AGPAT4: variants seen among roughly 807,000 people sequenced by gnomAD.
The protein encoded by AGPAT4 is 1-acylglycerol-3-phosphate O-acyltransferase 4.
AGPAT4 carries 15 observed loss-of-function variants against 48.0 expected under a neutral mutation model. The observed-to-expected ratio is 0.31, with a 90% CI of 0.21 to 0.48. The LOEUF is 0.48. Among genes scored for constraint, AGPAT4 ranks in the 20% least tolerant of loss-of-function variants. AGPAT4 has a pLI of 0.99. For missense variants in AGPAT4, 314 were observed against 482.5 expected, an observed-to-expected ratio of 0.65 and a Z score of 3.27; for synonymous variants, 178 against 198.7, an observed-to-expected ratio of 0.90 and a Z score of 0.88.
rs532015932 is a variant in AGPAT4, at chr6:161,267,439, C to T, written c.-90+6499G>A. Among the ~76,000 whole-genome samples the T allele has an allele frequency of 1.6e-4, 24 of 152,214 alleles. No individual in the cohort carries two copies. Among genetic ancestry groups the T allele is most frequent in the Middle Eastern group, 3.4e-3 (1 of 294 alleles). ...TGAAAAATATTAGCTGGGGAACGGG[C>T]GCAGTGGCTCACATCTGTAATCCTA... On this transcript the variant is annotated intron_variant, in intron 1 of 8. Coordinates refer to ENST00000320285, the MANE Select transcript of AGPAT4 (RefSeq NM_020133.3). The surrounding 1 kb of genome is among the most constrained non-coding windows in gnomAD (Gnocchi z 5.2).
In AGPAT4 at chr6:161,244,608, G is replaced by A. The variant is rs1003179854; in HGVS notation, c.-89-12306C>T. On this transcript the variant is annotated intron_variant, in intron 1 of 8. Coordinates refer to ENST00000320285, the MANE Select transcript of AGPAT4 (RefSeq NM_020133.3). The surrounding 1 kb of genome is among the most constrained non-coding windows in gnomAD (Gnocchi z 4.7). ...AAACTCACATTTTGATGCTGTGTGA[G>A]CAGACAGGCCAGGAAACCATGAGGA... Among the ~76,000 whole-genome samples, 1 of 152,154 alleles carries A rather than the reference G, an allele frequency of 6.6e-6. No individual in the cohort carries two copies. Among genetic ancestry groups the A allele is most frequent in the African/African-American group, 2.4e-5 (1 of 41,426 alleles).
intron 1 of AGPAT4, among the ~76,000 whole-genome samples, chr6:161,237,139 G>A (rs1356120729): frequency 4.6e-5 from 7 of 152,194 alleles, no homozygotes; most frequent in Non-Finnish European, 1.0e-4. Flanking sequence ...GAAAATGACT[G>A]CACCAGCGTT....
At chr6:161,186,639 C>T (rs1235282836) in intron 2 of AGPAT4, among the ~76,000 whole-genome samples, 2 of 152,138 alleles carry the variant, frequency 1.3e-5, no homozygotes, top group African/African-American at 2.4e-5. Context: ...TCCTGTTAGA[C>T]GCCTCTGCTG....
In AGPAT4 at chr6:161,140,320, TAAAC is replaced by T. The variant is rs1054034470; in HGVS notation, c.844-704_844-701del. Among the ~76,000 whole-genome samples the T allele has an allele frequency of 6.6e-6, 1 of 152,090 alleles. No individual in the cohort carries two copies. The highest frequency in any genetic ancestry group is 2.4e-5 in the African/African-American group (1 of 41,402). On this transcript the variant is annotated intron_variant, in intron 7 of 8. Transcript: ENST00000320285. The surrounding 1 kb of genome is among the most constrained non-coding windows in gnomAD (Gnocchi z 6.5). ...AGTGATTGTTAGACCGTGTGAAAGG[TAAAC>T]AAACAGGCTCATGTCCTTCCACTAA...
At position 161,206,601 on chromosome 6, in the gene AGPAT4, A is replaced by G. The variant is rs1484032124; in HGVS notation, c.178+25435T>C. Among the ~76,000 whole-genome samples the G allele has an allele frequency of 6.6e-6, 1 of 152,228 alleles. No individual in the cohort carries two copies. The highest frequency in any genetic ancestry group is 1.5e-5 in the Non-Finnish European group (1 of 68,044). On this transcript the variant is annotated intron_variant, in intron 2 of 8. Coordinates refer to ENST00000320285, the MANE Select transcript of AGPAT4 (RefSeq NM_020133.3). The surrounding 1 kb of genome is among the most constrained non-coding windows in gnomAD (Gnocchi z 4.8). ...TAAGTAAGACCTACCGTCTAATAAC[A>G]TAATTCTCCAAATGTCCAAGATACA...
In AGPAT4 at chr6:161,240,772, C is replaced by T. The variant is rs1447176664; in HGVS notation, c.-89-8470G>A. Among the ~76,000 whole-genome samples the T allele has an allele frequency of 6.6e-6, 1 of 152,112 alleles. No homozygotes were observed. The highest frequency in any genetic ancestry group is 2.4e-5 in the African/African-American group (1 of 41,410). ...GTCGGATGAATGTGGCCAAAGTCTC[C>T]ACCAGGGCGGCAACTAACTTGTACA... On this transcript the variant is annotated intron_variant, in intron 1 of 8. Transcript: ENST00000320285. This position sits in a 1 kb window ranked among gnomAD's most constrained non-coding sequence, Gnocchi z 5.5.
In AGPAT4 at chr6:161,196,131, G is replaced by A. The variant is rs759165091; in HGVS notation, c.179-29714C>T. 1.2e-4 allele frequency among the ~76,000 whole-genome samples: 19 copies of A among 152,110 alleles called. No individual in the cohort carries two copies. Among genetic ancestry groups the A allele is most frequent in the Non-Finnish European group, 2.6e-4 (18 of 68,014 alleles). ...ACCTCTTTCTAGAATGGTGTGGTTCGCCATCTTAAGAGCACTGTCTTTCTA... is the reference window on the plus strand; with the variant it reads ...ACCTCTTTCTAGAATGGTGTGGTTCACCATCTTAAGAGCACTGTCTTTCTA... On this transcript the variant is annotated intron_variant, in intron 2 of 8. Transcript: ENST00000320285. The surrounding 1 kb of genome is among the most constrained non-coding windows in gnomAD (Gnocchi z 4.3).
At chr6:161,194,043 G>T (rs1028361546) in intron 2 of AGPAT4, among the ~76,000 whole-genome samples, 1 of 152,100 alleles carries the variant, frequency 6.6e-6, no homozygotes, top group Non-Finnish European at 1.5e-5. Context: ...CACTCCATTA[G>T]CCACCAGCCA....
chr6:161,250,305 A>G (rs934764316), intron 1 of AGPAT4, among the ~76,000 whole-genome samples: 3 of 152,234 alleles, frequency 2.0e-5, no homozygotes, highest in Admixed American at 1.3e-4. Context: ...AAGTTTACCT[A>G]TATAACAAAC....
intron 2 of AGPAT4, among the ~76,000 whole-genome samples, chr6:161,185,631 A>G (rs116577276): frequency 0.016 from 2,380 of 152,298 alleles, 65 homozygotes; most frequent in African/African-American, 0.055. Flanking sequence ...TCCTTATGCT[A>G]TTCTCTCTAC....
chr6:161,256,995 A>G (rs992481412), intron 1 of AGPAT4, among the ~76,000 whole-genome samples: 1 of 152,212 alleles, frequency 6.6e-6, no homozygotes, highest in Non-Finnish European at 1.5e-5. Flanking sequence ...CACCTTAGCC[A>G]GTGGGCGTGG....
In AGPAT4 at chr6:161,254,874, A is replaced by G. The variant is rs1330345111; in HGVS notation, c.-90+19064T>C. Among the ~76,000 whole-genome samples the G allele has an allele frequency of 6.6e-6, 1 of 152,206 alleles. No individual in the cohort carries two copies. The highest frequency in any genetic ancestry group is 1.5e-5 in the Non-Finnish European group (1 of 68,038). ...GTCTTCAAAGGACTTCCTGGTTTCTAAGAAAGCAAATCCTGGCAAGGCTGG... is the reference window on the plus strand; with the variant it reads ...GTCTTCAAAGGACTTCCTGGTTTCTGAGAAAGCAAATCCTGGCAAGGCTGG... On this transcript the variant is annotated intron_variant, in intron 1 of 8. Transcript: ENST00000320285. The surrounding 1 kb of genome is among the most constrained non-coding windows in gnomAD (Gnocchi z 5.9).
chr6:161,211,052 G>A (rs1205074060), intron 2 of AGPAT4, among the ~76,000 whole-genome samples: 3 of 152,148 alleles, frequency 2.0e-5, no homozygotes, highest in African/African-American at 7.2e-5. Flanking sequence ...ACAGCTTGGA[G>A]GTAAAAAGCA....
rs1780080946 is a variant in AGPAT4 at position 161,165,799 on chromosome 6, A to G, written c.348+449T>C. On this transcript the variant is annotated intron_variant, in intron 3 of 8. Transcript: ENST00000320285. This position sits in a 1 kb window ranked among gnomAD's most constrained non-coding sequence, Gnocchi z 5.5. ...CTCACTTATGGACTCAAAGTTCTTA[A>G]GCCTTCAACGATCAAAATGCAGAGG... The G allele has an allele frequency of 3.4e-6, 2 of 589,156 alleles. No individual in the cohort carries two copies. Among genetic ancestry groups the G allele is most frequent in the South Asian group, 3.1e-5 (2 of 64,856 alleles). 36.5% of individuals were successfully genotyped at this position (589,156 alleles called of 1,614,324 possible). A position where few individuals can be genotyped will look rare whatever the true frequency, so the allele number is the denominator to read the frequency against.
chr6:161,271,550 T>C (rs1783424765), intron 1 of AGPAT4, among the ~76,000 whole-genome samples: 1 of 152,238 alleles, frequency 6.6e-6, no homozygotes, highest in East Asian at 1.9e-4. Flanking sequence ...GTGTCACCTC[T>C]GTCAGCCTCT....
Position 161,233,109 on chromosome 6 carries a change from CCACACACACACACACA to C in AGPAT4, c.-89-823_-89-808del, listed in dbSNP as rs56226316. Among the ~76,000 whole-genome samples the C allele has an allele frequency of 0.19, 27,727 of 147,356 alleles. 2,800 individuals are homozygous for C. The highest frequency in any genetic ancestry group is 0.24 in the Non-Finnish European group (15,732 of 66,492). On this transcript the variant is annotated intron_variant, in intron 1 of 8. Coordinates refer to ENST00000320285, the MANE Select transcript of AGPAT4 (RefSeq NM_020133.3). The surrounding 1 kb of genome is among the most constrained non-coding windows in gnomAD (Gnocchi z 5.4). ...AGACACATAGACACACACACAAACA[CCACACACACACACACA>C]CACACACACACACACACACAGATAC...
At chr6:161,269,964 G>C (rs1220981534) in intron 1 of AGPAT4, among the ~76,000 whole-genome samples, 1 of 152,196 alleles carries the variant, frequency 6.6e-6, no homozygotes, top group East Asian at 1.9e-4. Flanking sequence ...AAACCAATGG[G>C]AAATCTTTGT....
At position 161,222,266 on chromosome 6, in the gene AGPAT4, C is replaced by G. The variant is rs2295373; in HGVS notation, c.178+9770G>C. 4.9e-3 allele frequency among the ~76,000 whole-genome samples: 749 copies of G among 152,310 alleles called. 14 individuals are homozygous for G. Among genetic ancestry groups the G allele is most frequent in the East Asian group, 0.036 (185 of 5,184 alleles). The stretch of plus-strand genomic sequence containing the variant: ...TTTCCTTTTCTACTCATTCCATAAG[C>G]TGTTCCTTATTTTGTCCTTTTTTGG... On this transcript the variant is annotated intron_variant, in intron 2 of 8. Coordinates refer to ENST00000320285, the MANE Select transcript of AGPAT4 (RefSeq NM_020133.3). The surrounding 1 kb of genome is among the most constrained non-coding windows in gnomAD (Gnocchi z 5.9).
chr6:161,157,515 G>A (rs957442768), intron 3 of AGPAT4, among the ~76,000 whole-genome samples: 1 of 152,174 alleles, frequency 6.6e-6, no homozygotes, highest in Non-Finnish European at 1.5e-5. Context: ...GTCTTACCAT[G>A]TTGGCCAGGC....
Sources: allele counts gnomAD v4.1 joint callset (sites outside exome capture counted in the v4.1 genomes callset), GRCh38; gene constraint gnomAD v4.1.1; non-coding constraint Gnocchi (gnomAD v3.1); transcripts MANE v1.5; gene names NCBI Gene and HGNC (gene_info 2026-07-23, HGNC 2026-07-21).